Variants in PKD1L3 observed in about 807,000 individuals in gnomAD.
PKD1L3 encodes polycystin-1-like protein 3.
A neutral mutation model predicts 184.1 loss-of-function variants in PKD1L3; 239 were observed. That is an observed-to-expected ratio of 1.30 (90% CI 1.17 to 1.45). The LOEUF (loss-of-function observed/expected upper bound fraction) is 1.45, where lower values mean the gene tolerates loss of function less well. Ranked by LOEUF, PKD1L3 falls within the 40% of genes most tolerant of loss-of-function variation. PKD1L3 has a pLI of 0.00. For missense variants in PKD1L3, 2,660 were observed against 2,067.2 expected (o/e 1.29, Z -5.56); for synonymous variants, 996 against 778.8 (o/e 1.28, Z -4.64).
chr16:71,941,581 CTTT>C (rs35509080), intron 24 of PKD1L3, among the ~76,000 whole-genome samples: 59 of 102,194 alleles, frequency 5.8e-4, no homozygotes, highest in East Asian at 3.9e-3. Flanking sequence ...CTATGACATT[CTTT>C]TTTTTTTTTT....
In PKD1L3 at chr16:71,999,835, C is replaced by T. The variant is rs189430465; in HGVS notation, c.144G>A (p.Gln48=). The part of the protein sequence containing the change: ...NRFQCSFEEA[Q]HYCHVQRGFL... ...ATCCTCTCTGCACATGACAGTAATG[C>T]TGTGCTTCCTCAAAGCTGCATTGAA... The change falls in exon 1 of 30, where the codon CAG becomes CAA. Residue 48 remains glutamine (Q), a synonymous_variant. Coordinates refer to ENST00000620267, the MANE Select transcript of PKD1L3 (RefSeq NM_181536.2). 6.5e-4 allele frequency: 1,016 copies of T among 1,551,766 alleles called. 1 individual carries two copies. The highest frequency in any genetic ancestry group is 7.7e-4 in the Non-Finnish European group (882 of 1,147,014).
chr16:71,951,013 G>A (rs554485255), intron 19 of PKD1L3, among the ~76,000 whole-genome samples: 2 of 151,936 alleles, frequency 1.3e-5, no homozygotes, highest in South Asian at 4.2e-4. Flanking sequence ...AAAATGCTGG[G>A]ATTACAGGCG....
At position 71,979,922 on chromosome 16, in the gene PKD1L3, A is replaced by G. The variant is rs1161089038; in HGVS notation, c.1272-10T>C. ...AGTTGATATGTTTTGTCTAATGAGA[A>G]AAGTTAAAATGGAAGTCAATTTTTG... On this transcript the variant is annotated splice_polypyrimidine_tract_variant and intron_variant, in intron 8 of 29. Coordinates refer to ENST00000620267, the MANE Select transcript of PKD1L3 (RefSeq NM_181536.2). 3 of 1,550,714 alleles carry G rather than the reference A, an allele frequency of 1.9e-6. No individual in the cohort carries two copies. In the East Asian group the frequency reaches 7.3e-5, roughly 38 times the overall value.
chr16:71,943,926 G>A (rs2038459404), intron 23 of PKD1L3, 104 bp downstream of exon 23: 2 of 1,328,824 alleles, frequency 1.5e-6, no homozygotes, highest in Non-Finnish European at 2.0e-6. Context: ...GATTTTAAAA[G>A]ACAGCTTTTT....
intron 3 of PKD1L3, among the ~76,000 whole-genome samples, chr16:71,990,683 G>A (rs899224998): frequency 6.6e-6 from 1 of 152,002 alleles, no homozygotes; most frequent in Non-Finnish European, 1.5e-5. Context: ...GCAGTGAGCC[G>A]AGATTGTGCC....
At chr16:71,976,841 C>A (rs1341808149) in intron 11 of PKD1L3, among the ~76,000 whole-genome samples, 1 of 151,978 alleles carries the variant, frequency 6.6e-6, no homozygotes, top group Non-Finnish European at 1.5e-5. Context: ...CTCCCAGGTT[C>A]AGGACATTTT....
chr16:71,972,783 C>T lies in PKD1L3; in HGVS notation c.1953+541G>A, dbSNP rs186538959. ...TGCTGATTTGCAAGACCTTACACCACATTCTTTGAGCAACCAAACCAGGAC... is the reference window on the plus strand; with the variant it reads ...TGCTGATTTGCAAGACCTTACACCATATTCTTTGAGCAACCAAACCAGGAC... On this transcript the variant is annotated intron_variant, in intron 12 of 29. Transcript: ENST00000620267. 2.3e-3 allele frequency among the ~76,000 whole-genome samples: 357 copies of T among 152,336 alleles called. 2 individuals are homozygous for T. Among genetic ancestry groups the T allele is most frequent in the South Asian group, 7.3e-3 (35 of 4,826 alleles).
At chr16:71,935,906 C>T (rs1459938397) in intron 25 of PKD1L3, among the ~76,000 whole-genome samples, 1 of 152,082 alleles carries the variant, frequency 6.6e-6, no homozygotes, top group Non-Finnish European at 1.5e-5. Flanking sequence ...AGCAGTCCTC[C>T]TACCTCAGCC....
At chr16:71,982,417 C>G (rs1011456677) in intron 6 of PKD1L3, among the ~76,000 whole-genome samples, 182 bp from the exon 7 acceptor site, 5 of 151,654 alleles carry the variant, frequency 3.3e-5, no homozygotes, top group African/African-American at 1.2e-4. Flanking sequence ...TCCTGAGTAG[C>G]TAGGACTACA....
intron 9 of PKD1L3, among the ~76,000 whole-genome samples, chr16:71,979,335 T>C (rs2040058121): frequency 6.6e-6 from 1 of 152,040 alleles, no homozygotes; most frequent in African/African-American, 2.4e-5. Context: ...TCCCAGCTAC[T>C]TGGGAGGCTG....
At chr16:71,989,625 C>T (rs2040511363) in intron 4 of PKD1L3, among the ~76,000 whole-genome samples, 1 of 152,152 alleles carries the variant, frequency 6.6e-6, no homozygotes, top group South Asian at 2.1e-4. Flanking sequence ...CAGTTTCTAC[C>T]TTTATTTCCT....
At chr16:71,973,592 C>G in intron 11 of PKD1L3, 75 bp from the exon 12 acceptor site, 2 of 1,282,728 alleles carry the variant, frequency 1.6e-6, no homozygotes, top group Non-Finnish European at 2.1e-6. Context: ...TCTAAAGGAT[C>G]TATTATTAAT....
intron 15 of PKD1L3, among the ~76,000 whole-genome samples, chr16:71,964,556 G>A (rs561733076): frequency 1.5e-4 from 23 of 151,514 alleles, no homozygotes; most frequent in South Asian, 4.2e-4. Context: ...AGCCAGGATG[G>A]TCTCGATCTC....
chr16:71,977,409 G>A lies in PKD1L3; in HGVS notation c.1586C>T (p.Thr529Ile), dbSNP rs1341808663. 3 of 1,551,636 alleles carry A rather than the reference G, an allele frequency of 1.9e-6. No individual in the cohort carries two copies. The highest frequency in any genetic ancestry group is 2.4e-5 in the East Asian group (1 of 40,918). Residue 529 changes from threonine (T) to isoleucine (I), a missense_variant, in exon 11 of 30, where the codon ACA becomes ATA. By Grantham distance (89) the Thr-to-Ile change is moderately conservative. Transcript: ENST00000620267. ...ETHPTSLNMS[T>I]HQLTITVNVT... The stretch of plus-strand genomic sequence containing the variant: ...GTTCACTGTGATTGTAAGCTGATGT[G>A]TGCTCATGTTGAGGCTGGTGGGATG...
chr16:71,947,753 T>G (rs9934812), intron 21 of PKD1L3, among the ~76,000 whole-genome samples, 162 bp from the exon 22 acceptor site: 109,801 of 151,674 alleles, frequency 0.72, 40,356 homozygotes, highest in East Asian at 0.98. Flanking sequence ...CAATGATGGG[T>G]ACCAGGAGAA....
chr16:71,945,388 A>ATT (rs1555514810), intron 22 of PKD1L3, among the ~76,000 whole-genome samples: 827 of 65,942 alleles, frequency 0.013, 13 homozygotes, highest in African/African-American at 0.036. Context: ...ACACACATAT[A>ATT]TATATATATA....
At chr16:71,999,610 T>G in intron 1 of PKD1L3, 74 bp downstream of exon 1, 1 of 1,322,792 alleles carries the variant, frequency 7.6e-7, no homozygotes, top group South Asian at 2.0e-5. Flanking sequence ...AGATTAAGAT[T>G]TTCTTTTTTT....
intron 5 of PKD1L3, among the ~76,000 whole-genome samples, chr16:71,985,926 G>A (rs1489224916): frequency 6.6e-6 from 1 of 152,200 alleles, no homozygotes; most frequent in Non-Finnish European, 1.5e-5. Context: ...GTGAGTAGGA[G>A]GAATTGTCTA....
At position 72,000,316 on chromosome 16, in the gene PKD1L3, C is replaced by A. The variant is rs2040922816; in HGVS notation, c.-338G>T. ...TGAATATCTAACATCTAAGTTAGTGCTGCTAAAAATTAATAAGTGTAGCTT... is the reference window on the plus strand; with the variant it reads ...TGAATATCTAACATCTAAGTTAGTGATGCTAAAAATTAATAAGTGTAGCTT... On this transcript the variant is annotated 5_prime_UTR_variant, in exon 1 of 30. Coordinates refer to ENST00000620267, the MANE Select transcript of PKD1L3 (RefSeq NM_181536.2). 6.6e-6 allele frequency among the ~76,000 whole-genome samples: 1 copy of A among 152,104 alleles called. No individual in the cohort carries two copies. Among genetic ancestry groups the A allele is most frequent in the Admixed American group, 6.5e-5 (1 of 15,272 alleles).
Sources: allele counts gnomAD v4.1 joint callset (sites outside exome capture counted in the v4.1 genomes callset), GRCh38; gene constraint gnomAD v4.1.1; transcripts MANE v1.5; gene names NCBI Gene and HGNC (gene_info 2026-07-23, HGNC 2026-07-21).